The following PARD3B variants were observed in gnomAD, a reference collection of about 807,000 sequenced individuals.
PARD3B encodes partitioning defective 3 homolog B.
PARD3B carries 103 observed loss-of-function variants against 130.2 expected under a neutral mutation model. That is an observed-to-expected ratio of 0.79 (90% CI 0.67 to 0.93). The LOEUF (loss-of-function observed/expected upper bound fraction) is 0.93, where lower values mean the gene tolerates loss of function less well. Ranked by LOEUF, PARD3B falls within the 40% of genes least tolerant of loss-of-function variation. The pLI, the probability that PARD3B is intolerant of heterozygous loss-of-function variation, is 0.00. For missense variants in PARD3B, 1,609 were observed against 1,499.2 expected, an observed-to-expected ratio of 1.07 and a Z score of -1.21; for synonymous variants, 583 against 553.2, an observed-to-expected ratio of 1.05 and a Z score of -0.76.
chr2:204,746,243 G>A (rs774313033), intron 2 of PARD3B, among the ~76,000 whole-genome samples: 1 of 148,572 alleles, frequency 6.7e-6, no homozygotes, highest in Non-Finnish European at 1.5e-5. Context: ...TTGTTTTTTT[G>A]TGCTTGCGGT....
chr2:204,709,129 T>C (rs1395588292), intron 2 of PARD3B, among the ~76,000 whole-genome samples: 1 of 152,198 alleles, frequency 6.6e-6, no homozygotes, highest in Non-Finnish European at 1.5e-5. Flanking sequence ...TATTCCTAGA[T>C]TATCTTACCC....
chr2:205,582,929 G>A (rs1348522465), intron 22 of PARD3B, among the ~76,000 whole-genome samples: 5 of 152,148 alleles, frequency 3.3e-5, no homozygotes, highest in South Asian at 2.1e-4. Context: ...AGGACAGCTC[G>A]GTCATTGAAC....
chr2:204,631,291 C>G (rs1338170418), intron 1 of PARD3B, among the ~76,000 whole-genome samples: 1 of 151,258 alleles, frequency 6.6e-6, no homozygotes, highest in African/African-American at 2.4e-5. Context: ...CGCTCTGTCA[C>G]CAGGCTGCAG....
At chr2:205,095,475 T>G (rs1214971465) in intron 4 of PARD3B, among the ~76,000 whole-genome samples, 1 of 152,176 alleles carries the variant, frequency 6.6e-6, no homozygotes, top group Non-Finnish European at 1.5e-5. Flanking sequence ...AGCCTTTACT[T>G]GAACATATTT....
chr2:204,548,878 A>G (rs1285024872), intron 1 of PARD3B, among the ~76,000 whole-genome samples: 2 of 152,170 alleles, frequency 1.3e-5, no homozygotes, highest in African/African-American at 2.4e-5. Flanking sequence ...TAAAGAACCA[A>G]ATTTGGTGGG....
intron 3 of PARD3B, among the ~76,000 whole-genome samples, chr2:205,022,842 A>G (rs1439207546): frequency 1.3e-5 from 2 of 152,202 alleles, no homozygotes; most frequent in Non-Finnish European, 2.9e-5. Context: ...AGTATACACC[A>G]GAAAACAGGC....
chr2:205,378,275 C>T (rs2105926127), intron 18 of PARD3B, among the ~76,000 whole-genome samples: 1 of 152,230 alleles, frequency 6.6e-6, no homozygotes, highest in Non-Finnish European at 1.5e-5. Flanking sequence ...TACAGTGAAT[C>T]CATCAATCAA....
At chr2:205,144,473 C>G (rs953391301) in intron 10 of PARD3B, among the ~76,000 whole-genome samples, 4 of 152,116 alleles carry the variant, frequency 2.6e-5, no homozygotes, top group African/African-American at 7.2e-5. Flanking sequence ...TTCCCCTCTC[C>G]CTTCAATTTG....
intron 2 of PARD3B, among the ~76,000 whole-genome samples, chr2:204,690,928 C>A (rs1206888854): frequency 6.6e-6 from 1 of 152,098 alleles, no homozygotes; most frequent in Non-Finnish European, 1.5e-5. Flanking sequence ...CACAAATGAT[C>A]CTCAGTTTAT....
At chr2:204,940,239 C>G (rs1035470041) in intron 2 of PARD3B, among the ~76,000 whole-genome samples, 5 of 152,148 alleles carry the variant, frequency 3.3e-5, no homozygotes, top group Non-Finnish European at 1.5e-5. Flanking sequence ...ACAAAGAACT[C>G]TGGCTCCTCT....
At chr2:204,548,960 A>G (rs968360862) in intron 1 of PARD3B, among the ~76,000 whole-genome samples, 4 of 152,218 alleles carry the variant, frequency 2.6e-5, no homozygotes, top group Admixed American at 6.5e-5. Context: ...GACAGGTTTC[A>G]AGATTGAGGA....
At chr2:204,705,483 C>CA (rs1574759532) in intron 2 of PARD3B, among the ~76,000 whole-genome samples, 2 of 149,714 alleles carry the variant, frequency 1.3e-5, no homozygotes, top group East Asian at 3.9e-4. Flanking sequence ...GAGGGCCATT[C>CA]AAAAAATTAG....
intron 9 of PARD3B, among the ~76,000 whole-genome samples, chr2:205,124,670 G>T (rs1165563837): frequency 6.6e-6 from 1 of 152,030 alleles, no homozygotes; most frequent in Admixed American, 6.6e-5. Flanking sequence ...CCCCAATAAG[G>T]TCAGTGATAT....
intron 18 of PARD3B, among the ~76,000 whole-genome samples, chr2:205,383,113 T>TAGATAGATAGAG (rs1553500341): frequency 2.0e-5 from 3 of 149,448 alleles, no homozygotes; most frequent in African/African-American, 4.9e-5. Context: ...GATAGATAGA[T>TAGATAGATAGAG]AGATAGATAG....
chr2:205,024,069 A>T (rs1239323794), intron 3 of PARD3B, among the ~76,000 whole-genome samples: 1 of 151,586 alleles, frequency 6.6e-6, no homozygotes, highest in Non-Finnish European at 1.5e-5. Flanking sequence ...ATAAACAAAC[A>T]TGTAATACAC....
intron 22 of PARD3B, among the ~76,000 whole-genome samples, chr2:205,587,065 C>G (rs537363538): frequency 6.6e-6 from 1 of 152,106 alleles, no homozygotes; most frequent in Non-Finnish European, 1.5e-5. Flanking sequence ...TTCACATTGG[C>G]GTGTGTTAAG....
chr2:205,104,520 C>T lies in PARD3B; in HGVS notation c.593+6C>T, dbSNP rs778558845. 1.4e-6 allele frequency: 2 copies of T among 1,479,454 alleles called. No homozygotes were observed. The highest frequency in any genetic ancestry group is 1.9e-6 in the Non-Finnish European group (2 of 1,058,932). The allele number at this position is 1,479,454 out of a possible 1,614,324, so 91.6% of individuals were successfully genotyped here. ...AGAACTAAGGACACATTGAGGTATT[C>T]TCTTTATACAGATAAGAATATCTGA... is the stretch of plus-strand genomic sequence containing the variant. On this transcript the variant is annotated splice_donor_region_variant and intron_variant, in intron 5 of 22. Coordinates refer to ENST00000406610, the MANE Select transcript of PARD3B (RefSeq NM_001302769.2).
At chr2:205,380,880 T>TAATATATAAAGAATATA (rs1418743676) in intron 18 of PARD3B, among the ~76,000 whole-genome samples, 1 of 12,820 alleles carries the variant, frequency 7.8e-5, no homozygotes, top group Non-Finnish European at 1.4e-4. Flanking sequence ...AAAGAATACA[T>TAATATATAAAGAATATA]TATAATATAT....
rs535495488 is a variant in PARD3B at position 204,580,245 on chromosome 2, ACTTT to A, written c.120+34129_120+34132del. 4.4e-3 allele frequency among the ~76,000 whole-genome samples: 673 copies of A among 151,500 alleles called. 4 individuals are homozygous for A. Among genetic ancestry groups the A allele is most frequent in the Non-Finnish European group, 3.9e-3 (264 of 67,746 alleles). On this transcript the variant is annotated intron_variant, in intron 1 of 22. Coordinates refer to ENST00000406610, the MANE Select transcript of PARD3B (RefSeq NM_001302769.2). The stretch of plus-strand genomic sequence containing the variant: ...GGAGGCAGCCTTTATTTCTAGGGGT[ACTTT>A]CTCTCTCTTGTTCCATCCTCCGTCC...
Sources: allele counts gnomAD v4.1 joint callset (sites outside exome capture counted in the v4.1 genomes callset), GRCh38; gene constraint gnomAD v4.1.1; transcripts MANE v1.5; gene names NCBI Gene and HGNC (gene_info 2026-07-23, HGNC 2026-07-21).